STIMATE: variants seen among roughly 807,000 people sequenced by gnomAD.
STIMATE encodes the protein store-operated calcium entry regulator STIMATE.
STIMATE carries 15 observed loss-of-function variants against 36.7 expected under a neutral mutation model. The observed-to-expected ratio is 0.41, with a 90% CI of 0.27 to 0.63. STIMATE has a LOEUF of 0.63. Among genes scored for constraint, STIMATE ranks in the 20% least tolerant of loss-of-function variants. The pLI is 0.32. For synonymous variants in STIMATE, 163 were observed against 162.3 expected, an observed-to-expected ratio of 1.00 and a Z score of -0.03; for missense variants, 305 against 397.3, an observed-to-expected ratio of 0.77 and a Z score of 1.98.
At chr3:52,846,179 G>C (rs189753556) in intron 4 of STIMATE, among the ~76,000 whole-genome samples, 65 of 152,360 alleles carry the variant, frequency 4.3e-4, no homozygotes, top group Non-Finnish European at 2.6e-4. Context: ...AACCCTGGGA[G>C]AAGTGTGGCA....
intron 1 of STIMATE, among the ~76,000 whole-genome samples, chr3:52,883,106 T>C (rs1701635910): frequency 1.3e-5 from 2 of 152,220 alleles, no homozygotes; most frequent in Non-Finnish European, 2.9e-5. Context: ...GGAGCTGAGT[T>C]GGAATGGTCA....
intron 4 of STIMATE, among the ~76,000 whole-genome samples, chr3:52,845,947 G>A (rs1372160725): frequency 1.4e-4 from 20 of 146,994 alleles, no homozygotes; most frequent in African/African-American, 4.3e-4. Context: ...GCGGGGGGGC[G>A]GGAGGCTGGG....
chr3:52,863,424 AC>A, intron 1 of STIMATE, among the ~76,000 whole-genome samples: 1 of 152,146 alleles, frequency 6.6e-6, no homozygotes, highest in African/African-American at 2.4e-5. Flanking sequence ...GGGGGAAACC[AC>A]CCCCATGATT....
At chr3:52,860,271 G>A (rs1224564513) in intron 1 of STIMATE, among the ~76,000 whole-genome samples, 2 of 152,208 alleles carry the variant, frequency 1.3e-5, no homozygotes, top group Non-Finnish European at 1.5e-5. Flanking sequence ...AATAACATAT[G>A]GAGCATGGCA....
At chr3:52,882,235 G>A (rs922881889) in intron 1 of STIMATE, among the ~76,000 whole-genome samples, 1 of 152,186 alleles carries the variant, frequency 6.6e-6, no homozygotes, top group Non-Finnish European at 1.5e-5. Context: ...GCTCTCCCCA[G>A]AGCAAGGGAC....
chr3:52,844,521 C>T (rs1465617347), intron 5 of STIMATE, among the ~76,000 whole-genome samples: 1 of 152,216 alleles, frequency 6.6e-6, no homozygotes, highest in Non-Finnish European at 1.5e-5. Flanking sequence ...AGGATGTTTG[C>T]CGATGTAGAA....
chr3:52,853,667 C>T (rs866814949), intron 2 of STIMATE, among the ~76,000 whole-genome samples: 2 of 152,270 alleles, frequency 1.3e-5, no homozygotes, highest in Middle Eastern at 3.4e-3. Context: ...CCACCAGGTC[C>T]TGCCCCAGCC....
At chr3:52,868,983 T>C (rs1397333412) in intron 1 of STIMATE, among the ~76,000 whole-genome samples, 1 of 152,198 alleles carries the variant, frequency 6.6e-6, no homozygotes, top group Non-Finnish European at 1.5e-5. Context: ...GTATCATCTC[T>C]ATTTTACAGA....
intron 1 of STIMATE, among the ~76,000 whole-genome samples, chr3:52,856,441 A>G (rs945283332): frequency 2.0e-5 from 3 of 152,142 alleles, no homozygotes; most frequent in African/African-American, 7.2e-5. Context: ...AGCACTTTGC[A>G]AAGCTGAGGC....
chr3:52,879,507 C>T (rs993937773), intron 1 of STIMATE, among the ~76,000 whole-genome samples: 2 of 152,092 alleles, frequency 1.3e-5, no homozygotes, highest in African/African-American at 4.8e-5. Context: ...GAGGGAAGAA[C>T]AAGTGATACA....
intron 1 of STIMATE, among the ~76,000 whole-genome samples, chr3:52,888,008 T>G (rs958550341): frequency 1.4e-5 from 2 of 140,694 alleles, no homozygotes; most frequent in African/African-American, 5.2e-5. Context: ...TTTTTTTTTT[T>G]TTTTTTTTTT....
At chr3:52,879,701 C>G (rs1355052883) in intron 1 of STIMATE, among the ~76,000 whole-genome samples, 1 of 152,206 alleles carries the variant, frequency 6.6e-6, no homozygotes, top group Admixed American at 6.5e-5. Context: ...CACAAAGGAG[C>G]TGGAAAAACC....
intron 2 of STIMATE, among the ~76,000 whole-genome samples, chr3:52,854,306 G>A (rs1010581315): frequency 6.6e-6 from 1 of 152,156 alleles, no homozygotes; most frequent in Non-Finnish European, 1.5e-5. Context: ...TCAGGATGGG[G>A]CTAGTCACCA....
At chr3:52,850,432 A>AC in intron 3 of STIMATE, among the ~76,000 whole-genome samples, 2 of 114,456 alleles carry the variant, frequency 1.7e-5, no homozygotes, top group Non-Finnish European at 3.8e-5. Context: ...CTCTGTCTCA[A>AC]AAAAACAAAA....
In STIMATE at chr3:52,897,389, G is replaced by A; in HGVS notation, c.62C>T (p.Ala21Val). The A allele has an allele frequency of 6.6e-7, 1 of 1,510,300 alleles. No homozygotes were observed. The highest frequency in any genetic ancestry group is 8.8e-7 in the Non-Finnish European group (1 of 1,135,738). The allele number at this position is 1,510,300 out of a possible 1,614,324, so 93.6% of individuals were successfully genotyped here. A position where few individuals can be genotyped will look rare whatever the true frequency, so the allele number is the denominator to read the frequency against. ...GCTCTCGCAGCGGCCCGCCCCGGAC[G>A]CGACTGTGGAGGGCGGCCCGCCTGG... ...GLPGGPPSTVASGAGRCESGA... is the reference protein window; with the variant it reads ...GLPGGPPSTVVSGAGRCESGA... Residue 21 changes from alanine (A) to valine (V), a missense_variant, in exon 1 of 8, where the codon GCG becomes GTG. Around this residue, in one of 3 missense-constraint regions of STIMATE, gnomAD observed 57 missense variants for 57.1 expected, o/e 1.00. Transcript: ENST00000355083.
chr3:52,892,756 A>T (rs1195553706), intron 1 of STIMATE, among the ~76,000 whole-genome samples: 1 of 152,236 alleles, frequency 6.6e-6, no homozygotes, highest in East Asian at 1.9e-4. Context: ...AGAGACTGAG[A>T]GGTCTTCCAT....
chr3:52,867,996 T>C lies in STIMATE; in HGVS notation c.161-12552A>G, dbSNP rs573055285. On this transcript the variant is annotated intron_variant, in intron 1 of 7. Transcript: ENST00000355083. ...CAATTCTTGACCAGGTCTCCAGTGCTCCAAATGGCAGAAACTGTCCTGAGG... is the reference window on the plus strand; with the variant it reads ...CAATTCTTGACCAGGTCTCCAGTGCCCCAAATGGCAGAAACTGTCCTGAGG... Among the ~76,000 whole-genome samples the C allele has an allele frequency of 4.3e-4, 66 of 152,186 alleles. 1 individual carries two copies. In the South Asian group the frequency reaches 0.013, roughly 31 times the overall value.
At position 52,839,245 on chromosome 3, in the gene STIMATE, C is replaced by T. The variant is rs1461375829; in HGVS notation, c.*1249G>A. The T allele has an allele frequency of 1.3e-5, 2 of 152,278 alleles. No individual in the cohort carries two copies. Among genetic ancestry groups the T allele is most frequent in the African/African-American group, 4.8e-5 (2 of 41,468 alleles). 9.4% of individuals were successfully genotyped at this position (152,278 alleles called of 1,614,324 possible). ...TTGGAGGGTGAGAAAAACAGGATCA[C>T]TTTGTGAGGCACATGTTCTCCAGAA... On this transcript the variant is annotated 3_prime_UTR_variant, in exon 8 of 8. Transcript: ENST00000355083.
Position 52,852,681 on chromosome 3 carries a change from T to C in STIMATE, c.227A>G (p.Lys76Arg). ...GATGAACAGCATTCCTATGGCTTGT[T>C]TGGAAGTGTCTAAAAACCTGTACAA... Reference protein sequence around the residue: ...PWRIWFLDTSKQAIGMLFIHF... With the variant: ...PWRIWFLDTSRQAIGMLFIHF... The change falls in exon 3 of 8, where the codon AAA (lysine) becomes AGA (arginine). Residue 76 changes from lysine to arginine, a missense_variant. Coordinates refer to ENST00000355083, the MANE Select transcript of STIMATE (RefSeq NM_198563.5). The C allele has an allele frequency of 6.2e-7, 1 of 1,614,078 alleles. No individual in the cohort carries two copies. The highest frequency in any genetic ancestry group is 8.5e-7 in the Non-Finnish European group (1 of 1,180,008).
Sources: allele counts gnomAD v4.1 joint callset (sites outside exome capture counted in the v4.1 genomes callset), GRCh38; gene constraint gnomAD v4.1.1; regional missense constraint gnomAD v4.1.1; transcripts MANE v1.5; gene names NCBI Gene and HGNC (gene_info 2026-07-23, HGNC 2026-07-21).